Variants in GABRB3 observed in about 807,000 individuals in gnomAD.
GABRB3 encodes the protein gamma-aminobutyric acid receptor subunit beta-3.
Under a neutral mutation model 52.1 loss-of-function variants are expected in GABRB3, and 14 were observed. The observed-to-expected ratio is 0.27, with a 90% CI of 0.18 to 0.42. GABRB3 has a LOEUF of 0.42. Among genes scored for constraint, GABRB3 ranks in the 10% least tolerant of loss-of-function variants. The pLI is 1.00. For synonymous variants in GABRB3, 260 were observed against 232.3 expected (o/e 1.12, Z -1.08); for missense variants, 307 against 609.1 (o/e 0.50, Z 5.22).
intron 3 of GABRB3, among the ~76,000 whole-genome samples, chr15:26,695,863 G>C (rs1454276638): frequency 6.6e-6 from 1 of 152,160 alleles, no homozygotes; most frequent in Non-Finnish European, 1.5e-5. Context: ...GCTTTTCCTT[G>C]ATACTGAGAC....
intron 4 of GABRB3, among the ~76,000 whole-genome samples, chr15:26,602,113 A>G (rs1264212303): frequency 1.3e-5 from 2 of 152,190 alleles, no homozygotes; most frequent in East Asian, 3.8e-4. Context: ...GTACCTGTAC[A>G]TATATCAGAC....
chr15:26,726,819 C>T (rs1889785567), intron 3 of GABRB3, among the ~76,000 whole-genome samples: 1 of 152,046 alleles, frequency 6.6e-6, no homozygotes, highest in African/African-American at 2.4e-5. Context: ...AATTAAGAGG[C>T]ATTATGTGGG....
At chr15:26,571,474 G>A (rs1453410050) in intron 6 of GABRB3, among the ~76,000 whole-genome samples, 1 of 152,156 alleles carries the variant, frequency 6.6e-6, no homozygotes, top group Non-Finnish European at 1.5e-5. Context: ...GAGAAGAGCA[G>A]CAAATATTTT....
chr15:26,758,186 T>C (rs1393851066), intron 3 of GABRB3, among the ~76,000 whole-genome samples: 2 of 152,116 alleles, frequency 1.3e-5, no homozygotes, highest in Admixed American at 1.3e-4. Flanking sequence ...GATATGTGAG[T>C]CCCTCTCTGG....
intron 3 of GABRB3, among the ~76,000 whole-genome samples, chr15:26,714,448 A>T (rs959915292): frequency 6.6e-6 from 1 of 152,190 alleles, no homozygotes; most frequent in Non-Finnish European, 1.5e-5. Flanking sequence ...CATTCTAGGG[A>T]GACATGAGAC....
intron 2 of GABRB3, 54 bp from the exon 3 acceptor site, chr15:26,772,523 C>A: frequency 6.4e-7 from 1 of 1,571,446 alleles, no homozygotes; most frequent in Non-Finnish European, 8.7e-7. Flanking sequence ...GGGGCGCGGG[C>A]GGCTCTGAGG....
At chr15:26,585,051 T>C (rs1169377268) in intron 4 of GABRB3, among the ~76,000 whole-genome samples, 1 of 152,162 alleles carries the variant, frequency 6.6e-6, no homozygotes. Context: ...GAAAGCATCA[T>C]AGAGGGAGAG....
intron 6 of GABRB3, among the ~76,000 whole-genome samples, chr15:26,576,961 G>C (rs1162548331): frequency 1.3e-5 from 2 of 152,200 alleles, no homozygotes; most frequent in African/African-American, 4.8e-5. Flanking sequence ...CAGCTGTCTA[G>C]TAGAAGCAAG....
chr15:26,554,663 C>T (rs756227024), intron 8 of GABRB3, among the ~76,000 whole-genome samples: 3 of 152,136 alleles, frequency 2.0e-5, no homozygotes, highest in Non-Finnish European at 4.4e-5. Context: ...TACAAGAGCA[C>T]GTGTACCACG....
intron 3 of GABRB3, among the ~76,000 whole-genome samples, chr15:26,656,765 G>A (rs1000247178): frequency 4.6e-5 from 7 of 152,028 alleles, no homozygotes; most frequent in African/African-American, 7.3e-5. Context: ...TCCCCCAATC[G>A]CCCATCTGTG....
chr15:26,618,756 G>T (rs1389911027), intron 4 of GABRB3, among the ~76,000 whole-genome samples: 1 of 151,934 alleles, frequency 6.6e-6, no homozygotes, highest in Non-Finnish European at 1.5e-5. Flanking sequence ...GAAAATTTTT[G>T]CAACCTACTC....
At chr15:26,666,920 AAC>A (rs1887731517) in intron 3 of GABRB3, among the ~76,000 whole-genome samples, 1 of 152,134 alleles carries the variant, frequency 6.6e-6, no homozygotes, top group African/African-American at 2.4e-5. Flanking sequence ...TCTAGATCTG[AAC>A]ACTCATCTCT....
At chr15:26,628,471 A>G (rs1237310097) in intron 3 of GABRB3, among the ~76,000 whole-genome samples, 1 of 152,228 alleles carries the variant, frequency 6.6e-6, no homozygotes, top group Non-Finnish European at 1.5e-5. Context: ...ACGAAGGGAT[A>G]TGGCAATCAG....
chr15:26,587,297 T>C (rs1357832985), intron 4 of GABRB3, among the ~76,000 whole-genome samples: 3 of 152,210 alleles, frequency 2.0e-5, no homozygotes, highest in Admixed American at 6.5e-5. Context: ...TACTTTTCTT[T>C]ATTTGGAAGA....
chr15:26,757,865 G>GT (rs1890704794), intron 3 of GABRB3, among the ~76,000 whole-genome samples: 1 of 152,166 alleles, frequency 6.6e-6, no homozygotes, highest in African/African-American at 2.4e-5. Context: ...ACCTGTTAGA[G>GT]TAAGTGTAAA....
intron 4 of GABRB3, among the ~76,000 whole-genome samples, chr15:26,602,980 T>G (rs2140503397): frequency 6.6e-6 from 1 of 152,036 alleles, no homozygotes; most frequent in Non-Finnish European, 1.5e-5. Flanking sequence ...ACTAAAAGTT[T>G]TTTTAAAAGA....
At chr15:26,575,516 A>G (rs1464499909) in intron 6 of GABRB3, among the ~76,000 whole-genome samples, 1 of 152,330 alleles carries the variant, frequency 6.6e-6, no homozygotes, top group African/African-American at 2.4e-5. Flanking sequence ...TATCTTTTCT[A>G]TACCTCTAGT....
At chr15:26,650,685 C>T (rs941836547) in intron 3 of GABRB3, among the ~76,000 whole-genome samples, 2 of 152,022 alleles carry the variant, frequency 1.3e-5, no homozygotes, top group Non-Finnish European at 2.9e-5. Context: ...ATGTGCCTAC[C>T]CTTTCCTAAT....
chr15:26,690,323 C>G (rs1010342301), intron 3 of GABRB3, among the ~76,000 whole-genome samples: 1 of 152,034 alleles, frequency 6.6e-6, no homozygotes, highest in Non-Finnish European at 1.5e-5. Flanking sequence ...AAGTGACCCT[C>G]CCACCTAGGC....
Sources: gnomAD v4.1 joint callset for allele counts (sites outside exome capture counted in the v4.1 genomes callset) on GRCh38, gnomAD v4.1.1 for gene constraint, MANE v1.5 for transcripts, NCBI Gene and HGNC (gene_info 2026-07-23, HGNC 2026-07-21) for gene names.